The following SLC25A47 variants were observed in gnomAD, a reference collection of about 807,000 sequenced individuals.
SLC25A47 encodes solute carrier family 25 member 47.
In SLC25A47, 30 loss-of-function variants were observed where a neutral mutation model predicts 29.8. That is an observed-to-expected ratio of 1.01 (90% CI 0.75 to 1.36). The LOEUF (loss-of-function observed/expected upper bound fraction) is 1.36, where lower values mean the gene tolerates loss of function less well. Ranked by LOEUF, SLC25A47 falls within the 40% of genes most tolerant of loss-of-function variation. The probability of loss-of-function intolerance (pLI) is 0.00; values close to 1 mark genes in which losing one functional copy is unlikely to be tolerated. For synonymous variants in SLC25A47, 204 were observed against 197.8 expected (o/e 1.03, Z -0.26); for missense variants, 430 against 441.9 (o/e 0.97, Z 0.24).
intron 1 of SLC25A47, among the ~76,000 whole-genome samples, chr14:100,325,244 G>C (rs932758107): frequency 1.3e-5 from 2 of 152,200 alleles, no homozygotes; most frequent in African/African-American, 4.8e-5. Flanking sequence ...CACGCTTGTG[G>C]TTCCAGGCAG....
intron 1 of SLC25A47, among the ~76,000 whole-genome samples, chr14:100,325,571 G>C (rs1893322865): frequency 1.3e-5 from 2 of 152,232 alleles, no homozygotes; most frequent in African/African-American, 4.8e-5. Flanking sequence ...GAACTTGCTT[G>C]CAAAGGGTAG....
intron 5 of SLC25A47, 106 bp downstream of exon 5, chr14:100,329,150 C>A: frequency 7.4e-7 from 1 of 1,342,306 alleles, no homozygotes; most frequent in Non-Finnish European, 1.0e-6. Flanking sequence ...TGAACTTGGC[C>A]TCCTGCCTCC....
At chr14:100,324,575 C>T (rs539246030) in intron 1 of SLC25A47, among the ~76,000 whole-genome samples, 12 of 152,216 alleles carry the variant, frequency 7.9e-5, no homozygotes, top group African/African-American at 2.9e-4. Flanking sequence ...TGGGGCCAGC[C>T]GCTCCCTTCC....
At chr14:100,324,440 G>T (rs1238883660) in intron 1 of SLC25A47, among the ~76,000 whole-genome samples, 1 of 152,152 alleles carries the variant, frequency 6.6e-6, no homozygotes, top group Non-Finnish European at 1.5e-5. Context: ...GGTCAGGCTG[G>T]TCTCAAACTC....
intron 1 of SLC25A47, among the ~76,000 whole-genome samples, chr14:100,323,865 G>A (rs1005554450): frequency 4.6e-5 from 7 of 152,244 alleles, no homozygotes; most frequent in African/African-American, 1.2e-4. Flanking sequence ...TGGAAGGGGC[G>A]GGCAGAGGAC....
chr14:100,324,237 T>C (rs1187749575), intron 1 of SLC25A47, among the ~76,000 whole-genome samples: 2 of 151,962 alleles, frequency 1.3e-5, no homozygotes, highest in Admixed American at 1.3e-4. Context: ...CTTTTTTTTT[T>C]CCCTTGAGAT....
At position 100,325,788 on chromosome 14, in the gene SLC25A47, GCGT is replaced by G; in HGVS notation, c.31_33del (p.Val11del). 6.2e-7 allele frequency: 1 copy of G among 1,612,812 alleles called. No homozygotes were observed. The highest frequency in any genetic ancestry group is 8.5e-7 in the Non-Finnish European group (1 of 1,179,366). ...CCGTGGGCCTCTTCTTTCCTTGCAG[GCGT>G]CTGCGGTGTTGCTGTGGGCTACCCC... On this transcript the variant is annotated inframe_deletion and splice_region_variant, in exon 2 of 6. Transcript: ENST00000361529.
chr14:100,324,122 C>T (rs1228182819), intron 1 of SLC25A47, among the ~76,000 whole-genome samples: 5 of 152,108 alleles, frequency 3.3e-5, no homozygotes, highest in Non-Finnish European at 7.4e-5. Flanking sequence ...TGTGAAACAT[C>T]GGTGGGTGGC....
intron 4 of SLC25A47, among the ~76,000 whole-genome samples, chr14:100,328,152 C>G (rs369339438): frequency 7.0e-6 from 1 of 143,088 alleles, no homozygotes; most frequent in Admixed American, 7.4e-5. Context: ...TGCTCGGTTA[C>G]CCAGGCCAGT....
At chr14:100,327,890 G>C (rs150383145) in intron 4 of SLC25A47, among the ~76,000 whole-genome samples, 1 of 152,344 alleles carries the variant, frequency 6.6e-6, no homozygotes, top group Non-Finnish European at 1.5e-5. Flanking sequence ...GCAGCTGAAG[G>C]CCTGGCCCAG....
At position 100,329,816 on chromosome 14, in the gene SLC25A47, C is replaced by A; in HGVS notation, c.*171C>A. 1 of 946,454 alleles carries A rather than the reference C, an allele frequency of 1.1e-6. No homozygotes were observed. The highest frequency in any genetic ancestry group is 1.5e-6 in the Non-Finnish European group (1 of 652,470). 58.6% of individuals were successfully genotyped at this position (946,454 alleles called of 1,614,324 possible). On this transcript the variant is annotated 3_prime_UTR_variant, in exon 6 of 6. Coordinates refer to ENST00000361529, the MANE Select transcript of SLC25A47 (RefSeq NM_207117.4). ...CGAGGCCTGAGCTCGCCCTGCCCAGCTACTGACCTCAGGTCGAGGGGCCCG... is the reference window on the plus strand; with the variant it reads ...CGAGGCCTGAGCTCGCCCTGCCCAGATACTGACCTCAGGTCGAGGGGCCCG...
chr14:100,327,448 G>A (rs1021104753), intron 4 of SLC25A47, 78 bp downstream of exon 4: 2 of 1,457,566 alleles, frequency 1.4e-6, no homozygotes, highest in South Asian at 1.3e-5. Context: ...TGGCAGGTGG[G>A]GAAACTGAGG....
chr14:100,327,086 C>T lies in SLC25A47; in HGVS notation c.145-102C>T, dbSNP rs547608870. Reference sequence around the variant, plus strand: ...GCCCTGAGGCCGTGAATGACCTTCCCGAGGTCCGACAGCGGAGTGCGGAGC... The same window carrying T: ...GCCCTGAGGCCGTGAATGACCTTCCTGAGGTCCGACAGCGGAGTGCGGAGC... On this transcript the variant is annotated intron_variant, in intron 3 of 5. Coordinates refer to ENST00000361529, the MANE Select transcript of SLC25A47 (RefSeq NM_207117.4). 2.6e-4 allele frequency: 307 copies of T among 1,178,668 alleles called. No homozygotes were observed. In the East Asian group the frequency reaches 6.7e-3, roughly 26 times the overall value. The allele number at this position is 1,178,668 out of a possible 1,614,324, so 73.0% of individuals were successfully genotyped here. A position where few individuals can be genotyped will look rare whatever the true frequency, so the allele number is the denominator to read the frequency against.
intron 1 of SLC25A47, among the ~76,000 whole-genome samples, chr14:100,324,601 G>A (rs1303497822): frequency 1.3e-5 from 2 of 152,192 alleles, no homozygotes; most frequent in Admixed American, 1.3e-4. Flanking sequence ...GAAGCTACTG[G>A]ACTTGCCTGA....
At position 100,325,793 on chromosome 14, in the gene SLC25A47, T is replaced by C; in HGVS notation, c.34T>C (p.Cys12Arg). The C allele has an allele frequency of 1.2e-6, 2 of 1,612,872 alleles. No homozygotes were observed. The highest frequency in any genetic ancestry group is 4.5e-5 in the East Asian group (2 of 44,832). ...DFVAGAIGGV[C>R]GVAVGYPLDT... Reference sequence around the variant, plus strand: ...GGCCTCTTCTTTCCTTGCAGGCGTCTGCGGTGTTGCTGTGGGCTACCCCCT... The same window carrying C: ...GGCCTCTTCTTTCCTTGCAGGCGTCCGCGGTGTTGCTGTGGGCTACCCCCT... The change falls in exon 2 of 6, where the codon TGC (cysteine) becomes CGC (arginine). Residue 12 changes from cysteine to arginine, a missense_variant. Transcript: ENST00000361529.
rs1893409733 is a variant in SLC25A47, at chr14:100,329,508, A to G, written c.790A>G (p.Thr264Ala). The G allele has an allele frequency of 6.2e-7, 1 of 1,613,374 alleles. No homozygotes were observed. Among genetic ancestry groups the G allele is most frequent in the Non-Finnish European group, 8.5e-7 (1 of 1,179,996 alleles). Residue 264 changes from threonine (T) to alanine (A), a missense_variant, in exon 6 of 6, where the codon ACC (threonine) becomes GCC (alanine). Thr to Ala is a moderately conservative substitution (Grantham distance 58). Coordinates refer to ENST00000361529, the MANE Select transcript of SLC25A47 (RefSeq NM_207117.4). The stretch of plus-strand genomic sequence containing the variant: ...CCGGGGTCTCCTGCACTGTATGGTG[A>G]CCAGCGTTCGAGAGGAGGGACCCCG... ...RYRGLLHCMVTSVREEGPRVL... is the reference protein window; with the variant it reads ...RYRGLLHCMVASVREEGPRVL...
intron 1 of SLC25A47, among the ~76,000 whole-genome samples, chr14:100,324,379 A>G (rs1482491785): frequency 6.6e-6 from 1 of 151,940 alleles, no homozygotes; most frequent in Non-Finnish European, 1.5e-5. Context: ...CATGCACCAC[A>G]ATGTCTGGCT....
intron 1 of SLC25A47, among the ~76,000 whole-genome samples, chr14:100,323,682 A>T (rs1355063095): frequency 1.3e-5 from 2 of 151,810 alleles, no homozygotes; most frequent in Non-Finnish European, 2.9e-5. Context: ...CAGGCTGGGG[A>T]TGGGGCTGTG....
intron 5 of SLC25A47, 62 bp from the exon 6 acceptor site, chr14:100,329,303 G>A: frequency 6.6e-7 from 1 of 1,524,656 alleles, no homozygotes; most frequent in Non-Finnish European, 8.8e-7. Context: ...CGTGAGTCCA[G>A]GGTGCGCTGC....
Sources: allele counts gnomAD v4.1 joint callset (sites outside exome capture counted in the v4.1 genomes callset), GRCh38; gene constraint gnomAD v4.1.1; transcripts MANE v1.5; gene names NCBI Gene and HGNC (gene_info 2026-07-23, HGNC 2026-07-21).